Variants in DENND2B observed in about 807,000 individuals in gnomAD.
DENND2B encodes the protein DENN domain containing 2B, also known as DENN domain-containing protein 2B.
DENND2B carries 32 observed loss-of-function variants against 116.0 expected under a neutral mutation model. The ratio of observed to expected loss-of-function variants is 0.28; its 90% CI spans 0.21 to 0.37. The LOEUF is 0.37. DENND2B is among the 10% of genes least tolerant of loss of function. The pLI, the probability that DENND2B is intolerant of heterozygous loss-of-function variation, is 1.00. For missense variants in DENND2B, 1,276 were observed against 1,477.7 expected (o/e 0.86, Z 2.24); for synonymous variants, 588 against 583.9 (o/e 1.01, Z -0.10).
At chr11:8,812,408 A>ACTCTCAAAATCTTGG (rs1594061678), upstream of DENND2B, among the ~76,000 whole-genome samples, 1 of 151,876 alleles carries the variant, frequency 6.6e-6, no homozygotes, top group East Asian at 1.9e-4. Flanking sequence ...TTTCTAAACG[A>ACTCTCAAAATCTTGG]CTCTCAAAAT....
chr11:8,794,539 G>A (rs916723065), intron 1 of DENND2B: 3 of 152,222 alleles, frequency 2.0e-5, no homozygotes, highest in African/African-American at 7.2e-5. Flanking sequence ...AAGAAAAGGA[G>A]AGCTCGGGGA....
chr11:8,896,934 A>C (rs961545318), intron 1 of DENND2B, among the ~76,000 whole-genome samples: 4 of 152,192 alleles, frequency 2.6e-5, no homozygotes, highest in Non-Finnish European at 4.4e-5. Context: ...TAAAACAATC[A>C]TTTCAGGATT....
intron 1 of DENND2B, among the ~76,000 whole-genome samples, chr11:8,784,893 C>G (rs1183734435): frequency 2.0e-5 from 3 of 151,770 alleles, no homozygotes. Flanking sequence ...GGTAAGCCAG[C>G]GGGTAATCAT....
chr11:8,699,213 C>T lies in DENND2B; in HGVS notation c.2898G>A (p.Glu966=). 6.4e-7 allele frequency: 1 copy of T among 1,557,918 alleles called. No individual in the cohort carries two copies. The highest frequency in any genetic ancestry group is 8.6e-7 in the Non-Finnish European group (1 of 1,157,296). ...CCAGCTGGTTCCCCCGGTGGCCCAC[C>T]TCCTCCACAGGCAGCTCCTTCAGTT... ...LPKLKELPVE[E]ALMVNLGSDR... is the part of the protein sequence containing the mutation. Residue 966 remains glutamate (E), a splice_region_variant and synonymous_variant, in exon 15 of 20, where the codon GAG becomes GAA. Transcript: ENST00000313726.
intron 3 of DENND2B, among the ~76,000 whole-genome samples, chr11:8,727,691 C>T (rs935237799): frequency 2.0e-5 from 3 of 152,150 alleles, no homozygotes; most frequent in East Asian, 1.9e-4. Context: ...CACAGTGGTT[C>T]GCAAATGTTG....
chr11:8,694,479 T>A (rs2039972283), intron 19 of DENND2B: 2 of 469,400 alleles, frequency 4.3e-6, no homozygotes, highest in Admixed American at 2.4e-5. Context: ...CCTGTTATGG[T>A]CTAGAGGAAA....
At chr11:8,886,147 C>A (rs969459359) in intron 1 of DENND2B, among the ~76,000 whole-genome samples, 6 of 152,048 alleles carry the variant, frequency 3.9e-5, no homozygotes, top group Non-Finnish European at 7.4e-5. Context: ...GTTGTCCAGG[C>A]TGGTGTCAAA....
chr11:8,718,473 T>C (rs2133849070), intron 4 of DENND2B: 3 of 1,489,028 alleles, frequency 2.0e-6, no homozygotes, highest in East Asian at 5.0e-5. Flanking sequence ...TTTTGTGTTG[T>C]TCACTGAGGC....
In DENND2B at chr11:8,694,037, G is replaced by T; in HGVS notation, c.*59C>A. On this transcript the variant is annotated 3_prime_UTR_variant, in exon 20 of 20. Coordinates refer to ENST00000313726, the MANE Select transcript of DENND2B (RefSeq NM_213618.2). ...AGCAGCCCAGAGGGTCCCAGGCTGG[G>T]CCTTCTCCCCAGGCTTCAGGCTCTG... 1 of 1,603,198 alleles carries T rather than the reference G, an allele frequency of 6.2e-7. No individual in the cohort carries two copies. The highest frequency in any genetic ancestry group is 8.5e-7 in the Non-Finnish European group (1 of 1,171,766).
intron 1 of DENND2B, among the ~76,000 whole-genome samples, chr11:8,903,188 T>C (rs184060109): frequency 3.7e-4 from 57 of 152,256 alleles, no homozygotes; most frequent in Admixed American, 1.2e-3. Flanking sequence ...TATTTATTTA[T>C]TTATTTTTTG....
intron 2 of DENND2B, among the ~76,000 whole-genome samples, chr11:8,747,100 G>A (rs17330190): frequency 0.015 from 2,353 of 152,198 alleles, 29 homozygotes; most frequent in Non-Finnish European, 0.024. Context: ...TATGCTCTAA[G>A]AGGCTGCTCT....
chr11:8,853,288 G>A (rs12798322), intron 3 of DENND2B, among the ~76,000 whole-genome samples: 41,610 of 152,046 alleles, frequency 0.27, 5,985 homozygotes, highest in East Asian at 0.54. Flanking sequence ...TCTTGAACTC[G>A]GGAGGTGGAG....
intron 8 of DENND2B, among the ~76,000 whole-genome samples, chr11:8,713,064 G>A (rs1269083466): frequency 1.3e-5 from 2 of 152,134 alleles, no homozygotes; most frequent in African/African-American, 2.4e-5. Context: ...TAGAATACAC[G>A]AACATCCACG....
In DENND2B at chr11:8,780,511, A is replaced by G. The variant is rs941671023; in HGVS notation, c.-25-29786T>C. 2.4e-4 allele frequency among the ~76,000 whole-genome samples: 36 copies of G among 152,222 alleles called. 1 individual carries two copies. Among genetic ancestry groups the G allele is most frequent in the Admixed American group, 2.6e-4 (4 of 15,286 alleles). On this transcript the variant is annotated intron_variant, in intron 1 of 19. Transcript: ENST00000313726. ...CCTACACAGATAGAACTACATGCAC[A>G]AGGGCTTGGAAGCAGGAAAGCAGAA...
chr11:8,768,979 C>T (rs909959723), intron 1 of DENND2B, among the ~76,000 whole-genome samples: 1 of 152,148 alleles, frequency 6.6e-6, no homozygotes, highest in South Asian at 2.1e-4. Flanking sequence ...CTGCAGGAAC[C>T]TCATGGAAGA....
At chr11:8,789,278 G>A (rs1299666498) in intron 1 of DENND2B, among the ~76,000 whole-genome samples, 1 of 152,202 alleles carries the variant, frequency 6.6e-6, no homozygotes, top group Non-Finnish European at 1.5e-5. Context: ...GAAGCTGGAT[G>A]GTGGACACAG....
Position 8,750,632 on chromosome 11 carries a change from C to T in DENND2B, c.69G>A (p.Gly23=), listed in dbSNP as rs1225283042. Residue 23 remains glycine (G), a synonymous_variant, in exon 2 of 20, where the codon GGG becomes GGA. Transcript: ENST00000313726. ...HGAGGTKAPR[G]TLSRSQSVSP... ...GCTCCCTTACCCACCTGCTCAGAGT[C>T]CCCCGAGGGGCTTTAGTGCCACCAG... 3 of 1,614,072 alleles carry T rather than the reference C, an allele frequency of 1.9e-6. No homozygotes were observed. Among genetic ancestry groups the T allele is most frequent in the Non-Finnish European group, 1.7e-6 (2 of 1,180,002 alleles).
At chr11:8,751,688 T>C (rs1219886447) in intron 1 of DENND2B, among the ~76,000 whole-genome samples, 6 of 152,142 alleles carry the variant, frequency 3.9e-5, no homozygotes, top group African/African-American at 1.4e-4. Flanking sequence ...TTGAAGTCAG[T>C]GAGACCAAGA....
intron 4 of DENND2B, among the ~76,000 whole-genome samples, chr11:8,720,250 T>C (rs897191434): frequency 6.6e-6 from 1 of 152,156 alleles, no homozygotes; most frequent in African/African-American, 2.4e-5. Context: ...CTCTTTTTTT[T>C]CCATCCTTCC....
Sources: allele counts gnomAD v4.1 joint callset (sites outside exome capture counted in the v4.1 genomes callset), GRCh38; gene constraint gnomAD v4.1.1; transcripts MANE v1.5; gene names NCBI Gene and HGNC (gene_info 2026-07-23, HGNC 2026-07-21).